MOB3B: variants seen among roughly 807,000 people sequenced by gnomAD.
The protein encoded by MOB3B is MOB kinase activator-like 2B.
MOB3B carries 7 observed loss-of-function variants against 18.7 expected under a neutral mutation model. The observed-to-expected ratio is 0.37, with a 90% CI of 0.21 to 0.70. The LOEUF (loss-of-function observed/expected upper bound fraction) is 0.70, where lower values mean the gene tolerates loss of function less well. Ranked by LOEUF, MOB3B falls within the 30% of genes least tolerant of loss-of-function variation. The pLI is 0.52. For missense variants in MOB3B, 253 were observed against 281.3 expected (o/e 0.90, Z 0.72); for synonymous variants, 111 against 99.9 (o/e 1.11, Z -0.66).
intron 1 of MOB3B, among the ~76,000 whole-genome samples, chr9:27,527,641 T>A (rs1414647766): frequency 6.6e-6 from 1 of 152,170 alleles, no homozygotes; most frequent in East Asian, 1.9e-4. Context: ...TGAGGAGGAA[T>A]CAAAAGTGTA....
chr9:27,425,385 A>AAAAAAAC (rs1554648746), intron 2 of MOB3B, among the ~76,000 whole-genome samples: 63 of 145,152 alleles, frequency 4.3e-4, no homozygotes, highest in African/African-American at 1.3e-3. Flanking sequence ...AAAAAAAAAA[A>AAAAAAAC]AAAACAAAAC....
At chr9:27,361,030 G>T (rs1821267687) in intron 2 of MOB3B, among the ~76,000 whole-genome samples, 1 of 152,170 alleles carries the variant, frequency 6.6e-6, no homozygotes, top group Non-Finnish European at 1.5e-5. Context: ...AGTCTTTGAA[G>T]CCTGAGTCCC....
chr9:27,374,288 A>C (rs2131369504), intron 2 of MOB3B, among the ~76,000 whole-genome samples: 1 of 151,892 alleles, frequency 6.6e-6, no homozygotes, highest in East Asian at 1.9e-4. Flanking sequence ...ACAGGTGGTG[A>C]AGCTGGATTT....
chr9:27,488,174 G>A (rs1476705432), intron 1 of MOB3B, among the ~76,000 whole-genome samples: 1 of 152,146 alleles, frequency 6.6e-6, no homozygotes, highest in African/African-American at 2.4e-5. Flanking sequence ...CTATTATGTT[G>A]TATCCATGGG....
chr9:27,454,097 T>C (rs927669525), intron 2 of MOB3B, among the ~76,000 whole-genome samples: 3 of 152,224 alleles, frequency 2.0e-5, no homozygotes, highest in African/African-American at 7.2e-5. Flanking sequence ...AAGATGTACA[T>C]ACTGCGTCAA....
intron 1 of MOB3B, among the ~76,000 whole-genome samples, chr9:27,484,344 G>C (rs1191127172): frequency 1.3e-5 from 2 of 152,112 alleles, no homozygotes; most frequent in Admixed American, 6.5e-5. Context: ...GCCATGTAGG[G>C]GGTTGAGAAG....
In MOB3B at chr9:27,379,910, G is replaced by A. The variant is rs1052380177; in HGVS notation, c.419-20674C>T. ...ACCTAGGTAAATCTTACTGCTATTC[G>A]CTCACCTAAAAATAAAACAAAACTT... On this transcript the variant is annotated intron_variant, in intron 2 of 3. Coordinates refer to ENST00000262244, the MANE Select transcript of MOB3B (RefSeq NM_024761.5). Among the ~76,000 whole-genome samples, 11 of 152,096 alleles carry A rather than the reference G, an allele frequency of 7.2e-5. No individual in the cohort carries two copies. In the East Asian group the frequency reaches 7.7e-4, roughly 11 times the overall value.
chr9:27,448,469 A>G (rs1315972236), intron 2 of MOB3B, among the ~76,000 whole-genome samples: 1 of 152,202 alleles, frequency 6.6e-6, no homozygotes, highest in Admixed American at 6.5e-5. Context: ...TTGGCAGCAG[A>G]CAAGAGAGAA....
intron 2 of MOB3B, among the ~76,000 whole-genome samples, chr9:27,380,332 T>C (rs1821557779): frequency 6.6e-6 from 1 of 150,926 alleles, no homozygotes; most frequent in African/African-American, 2.4e-5. Flanking sequence ...TGGCATGATC[T>C]TGGCTCACTG....
chr9:27,333,004 AT>A (rs903808008), intron 3 of MOB3B, among the ~76,000 whole-genome samples: 2 of 152,180 alleles, frequency 1.3e-5, no homozygotes, highest in Non-Finnish European at 2.9e-5. Flanking sequence ...AAAATGCCAG[AT>A]TTTTTTCTTT....
intron 2 of MOB3B, among the ~76,000 whole-genome samples, chr9:27,385,828 T>G (rs1821643739): frequency 6.6e-6 from 1 of 152,218 alleles, no homozygotes; most frequent in East Asian, 1.9e-4. Context: ...CTTGCTCCTT[T>G]TGACAGTTTG....
chr9:27,444,377 C>T (rs10117173), intron 2 of MOB3B, among the ~76,000 whole-genome samples: 97,637 of 151,348 alleles, frequency 0.65, 31,918 homozygotes, highest in Admixed American at 0.73. Flanking sequence ...TCCACCTCTT[C>T]AGATGTCATT....
rs190541438 is a variant in MOB3B, at chr9:27,346,851, C to G, written c.621+12183G>C. On this transcript the variant is annotated intron_variant, in intron 3 of 3. Coordinates refer to ENST00000262244, the MANE Select transcript of MOB3B (RefSeq NM_024761.5). ...CTCTACTAAAAATACAAAAAATTAG[C>G]CAGTTGTGGTGGCACGCACCTGTAG... Among the ~76,000 whole-genome samples, 705 of 152,134 alleles carry G rather than the reference C, an allele frequency of 4.6e-3. 5 individuals are homozygous for G. Among genetic ancestry groups the G allele is most frequent in the African/African-American group, 0.016 (665 of 41,512 alleles).
At chr9:27,489,417 T>TC (rs1408977799) in intron 1 of MOB3B, among the ~76,000 whole-genome samples, 8 of 152,280 alleles carry the variant, frequency 5.3e-5, no homozygotes, top group Admixed American at 5.2e-4. Flanking sequence ...AAAATAGACT[T>TC]CAGTCAAAAA....
intron 1 of MOB3B, among the ~76,000 whole-genome samples, chr9:27,476,820 T>C (rs1374435459): frequency 6.6e-6 from 1 of 152,196 alleles, no homozygotes; most frequent in Non-Finnish European, 1.5e-5. Context: ...AAGCCACATT[T>C]CTCACAGGCT....
chr9:27,341,607 AC>A (rs1820942282), intron 3 of MOB3B, among the ~76,000 whole-genome samples: 1 of 152,170 alleles, frequency 6.6e-6, no homozygotes, highest in South Asian at 2.1e-4. Flanking sequence ...AAGTTTGACT[AC>A]CACCTATTGA....
At chr9:27,494,197 G>A (rs927766628) in intron 1 of MOB3B, among the ~76,000 whole-genome samples, 3 of 152,186 alleles carry the variant, frequency 2.0e-5, no homozygotes, top group Non-Finnish European at 4.4e-5. Flanking sequence ...CTGATAAGAT[G>A]TTATCAATGA....
At chr9:27,382,583 G>A (rs1002365249) in intron 2 of MOB3B, among the ~76,000 whole-genome samples, 2 of 152,096 alleles carry the variant, frequency 1.3e-5, no homozygotes, top group African/African-American at 4.8e-5. Flanking sequence ...ACAGGTCCGT[G>A]GCTCCTACCT....
intron 1 of MOB3B, among the ~76,000 whole-genome samples, chr9:27,464,538 C>A (rs1017345803): frequency 2.0e-5 from 3 of 152,066 alleles, no homozygotes; most frequent in Admixed American, 1.3e-4. Context: ...CATATAAATA[C>A]TCTACATTTA....
Sources: allele counts gnomAD v4.1 joint callset (sites outside exome capture counted in the v4.1 genomes callset), GRCh38; gene constraint gnomAD v4.1.1; transcripts MANE v1.5; gene names NCBI Gene and HGNC (gene_info 2026-07-23, HGNC 2026-07-21).